Variants in HTR4 observed in about 807,000 individuals in gnomAD.
The protein encoded by HTR4 is 5-hydroxytryptamine receptor 4, also known as 5-hydroxytryptamine (serotonin) receptor 4, G protein-coupled.
Under a neutral mutation model 36.8 loss-of-function variants are expected in HTR4, and 16 were observed. The observed-to-expected ratio is 0.43, with a 90% CI of 0.29 to 0.66. The LOEUF (loss-of-function observed/expected upper bound fraction) is 0.66. Ranked by LOEUF, HTR4 falls within the 30% of genes least tolerant of loss-of-function variation. The pLI, the probability that HTR4 is intolerant of heterozygous loss-of-function variation, is 0.13. For missense variants in HTR4, 438 were observed against 490.9 expected (o/e 0.89, Z 1.02); for synonymous variants, 189 against 185.1 (o/e 1.02, Z -0.17).
At chr5:148,519,248 G>C (rs1038119233) in intron 5 of HTR4, among the ~76,000 whole-genome samples, 1 of 152,162 alleles carries the variant, frequency 6.6e-6, no homozygotes, top group Non-Finnish European at 1.5e-5. Context: ...AGTGATGATG[G>C]AAAGAGAAAG....
chr5:148,562,071 T>C (rs1422318268), intron 2 of HTR4, among the ~76,000 whole-genome samples: 1 of 152,234 alleles, frequency 6.6e-6, no homozygotes, highest in African/African-American at 2.4e-5. Context: ...TTTATGCTGT[T>C]GCAGGAGTAG....
intron 5 of HTR4, among the ~76,000 whole-genome samples, chr5:148,467,622 C>A (rs765900080): frequency 2.0e-5 from 3 of 152,180 alleles, no homozygotes; most frequent in Non-Finnish European, 4.4e-5. Flanking sequence ...TAAGGTATTA[C>A]TATAAAATAA....
At chr5:148,654,031 T>C in intron 1 of HTR4, 31 bp downstream of exon 1, 2 of 982,688 alleles carry the variant, frequency 2.0e-6, no homozygotes, top group Non-Finnish European at 2.4e-6. Context: ...GCTCCTGGGG[T>C]CCCGACCCCC....
At chr5:148,576,110 C>CAAAAAAAAAAAAAAAAAAAAAAAAA (rs781780161) in intron 2 of HTR4, among the ~76,000 whole-genome samples, 1 of 32,712 alleles carries the variant, frequency 3.1e-5, no homozygotes, top group Non-Finnish European at 5.4e-5. Context: ...GACTCCGTCT[C>CAAAAAAAAAAAAAAAAAAAAAAAAA]AAAAAAAAAA....
At chr5:148,583,146 G>C (rs976455886) in intron 2 of HTR4, among the ~76,000 whole-genome samples, 11 of 149,050 alleles carry the variant, frequency 7.4e-5, no homozygotes, top group Admixed American at 2.7e-4. Flanking sequence ...TAGCATGAAG[G>C]GTTGTTGAAT....
At chr5:148,545,722 C>T (rs899385633) in intron 4 of HTR4, among the ~76,000 whole-genome samples, 2 of 152,074 alleles carry the variant, frequency 1.3e-5, no homozygotes, top group Admixed American at 6.5e-5. Flanking sequence ...CAAAGCAACT[C>T]GGGCCTGGAG....
At chr5:148,530,516 C>G (rs1014173245) in intron 4 of HTR4, among the ~76,000 whole-genome samples, 3 of 152,184 alleles carry the variant, frequency 2.0e-5, no homozygotes, top group African/African-American at 7.2e-5. Flanking sequence ...GGAACCTCCA[C>G]CTAGATTACA....
intron 2 of HTR4, among the ~76,000 whole-genome samples, chr5:148,625,782 T>G (rs939822138): frequency 3.9e-5 from 6 of 152,152 alleles, no homozygotes; most frequent in African/African-American, 1.4e-4. Context: ...GGTTTCACCA[T>G]GTTGGCCAGG....
intron 1 of HTR4, among the ~76,000 whole-genome samples, chr5:148,640,358 G>T (rs2127310841): frequency 6.6e-6 from 1 of 152,308 alleles, no homozygotes; most frequent in Non-Finnish European, 1.5e-5. Context: ...TGGTCGATCA[G>T]AATAGTCCAT....
intron 5 of HTR4, among the ~76,000 whole-genome samples, chr5:148,463,570 T>C (rs1755342458): frequency 6.6e-6 from 1 of 152,094 alleles, no homozygotes; most frequent in Admixed American, 6.5e-5. Context: ...ATGAAAAATA[T>C]CAAATACGAA....
intron 5 of HTR4, among the ~76,000 whole-genome samples, chr5:148,467,562 T>TA (rs1446164177): frequency 3.3e-5 from 5 of 152,308 alleles, no homozygotes; most frequent in Admixed American, 3.3e-4. Context: ...ACAACATGCT[T>TA]AAAAATGATA....
Position 148,514,858 on chromosome 5 carries a change from A to T in HTR4, c.508-4834T>A, listed in dbSNP as rs143404753. 2.4e-3 allele frequency among the ~76,000 whole-genome samples: 369 copies of T among 152,144 alleles called. 13 individuals carry two copies. The East Asian group carries it at 0.041, about 17-fold the overall frequency. On this transcript the variant is annotated intron_variant, in intron 5 of 6. Coordinates refer to ENST00000377888, the MANE Select transcript of HTR4 (RefSeq NM_000870.7). ...AGTAGAGTAACACCAACTTTCCTTGACTTATCACTTGCATAGTGTATGTAT... is the reference window on the plus strand; with the variant it reads ...AGTAGAGTAACACCAACTTTCCTTGTCTTATCACTTGCATAGTGTATGTAT...
At chr5:148,511,756 T>C (rs1757510537) in intron 5 of HTR4, among the ~76,000 whole-genome samples, 1 of 152,072 alleles carries the variant, frequency 6.6e-6, no homozygotes, top group African/African-American at 2.4e-5. Context: ...TGTATCAATT[T>C]ATATTTCCAC....
chr5:148,641,502 G>A (rs1000526166), intron 1 of HTR4, among the ~76,000 whole-genome samples: 1 of 152,216 alleles, frequency 6.6e-6, no homozygotes, highest in African/African-American at 2.4e-5. Context: ...CTACCAATGT[G>A]AGGTACAAAT....
chr5:148,548,823 A>C lies in HTR4; in HGVS notation c.198T>G (p.Asp66Glu). 6.2e-7 allele frequency: 1 copy of C among 1,614,140 alleles called. No homozygotes were observed. Among genetic ancestry groups the C allele is most frequent in the Non-Finnish European group, 8.5e-7 (1 of 1,180,018 alleles). Residue 66 changes from aspartate (D) to glutamate (E), a missense_variant, in exon 4 of 7, where the codon GAT becomes GAG. Transcript: ENST00000377888. ...NYFIVSLAFADLLVSVLVMPF... is the reference protein window; with the variant it reads ...NYFIVSLAFAELLVSVLVMPF... ...GCATCACCAGCACCGAAACCAGCAG[A>C]TCCGCAAAAGCAAGAGATACAATGA...
At chr5:148,520,986 C>A (rs1315481649) in intron 5 of HTR4, 1 of 1,367,648 alleles carries the variant, frequency 7.3e-7, no homozygotes, top group East Asian at 4.6e-5. Context: ...CAAGGCAGGA[C>A]TAAGGGCTAA....
intron 2 of HTR4, among the ~76,000 whole-genome samples, chr5:148,607,531 G>GA (rs1752231182): frequency 6.6e-6 from 1 of 152,056 alleles, no homozygotes; most frequent in Non-Finnish European, 1.5e-5. Context: ...TTCCTAAGAA[G>GA]GCCCCAACTC....
intron 4 of HTR4, among the ~76,000 whole-genome samples, chr5:148,545,422 A>T (rs7731114): frequency 0.49 from 74,243 of 152,160 alleles, 18,861 homozygotes; most frequent in African/African-American, 0.64. Flanking sequence ...TGCAAGTTCT[A>T]TGAGGGCAGG....
chr5:148,536,335 C>T (rs976971057), intron 4 of HTR4, among the ~76,000 whole-genome samples: 2 of 152,032 alleles, frequency 1.3e-5, no homozygotes, highest in African/African-American at 4.8e-5. Context: ...AACAAGCCAG[C>T]ATAATAACCA....
Sources: allele counts gnomAD v4.1 joint callset (sites outside exome capture counted in the v4.1 genomes callset), GRCh38; gene constraint gnomAD v4.1.1; transcripts MANE v1.5; gene names NCBI Gene and HGNC (gene_info 2026-07-23, HGNC 2026-07-21).